Variants in FMNL2 observed in about 807,000 individuals in gnomAD.
FMNL2 encodes the protein formin-like protein 2.
Under a neutral mutation model 130.2 loss-of-function variants are expected in FMNL2, and 51 were observed. The observed-to-expected ratio is 0.39, with a 90% CI of 0.31 to 0.49. The LOEUF (loss-of-function observed/expected upper bound fraction) is 0.49. Among genes scored for constraint, FMNL2 ranks in the 20% least tolerant of loss-of-function variants. The pLI is 0.85. For synonymous variants in FMNL2, 465 were observed against 467.1 expected, an observed-to-expected ratio of 1.00 and a Z score of 0.06; for missense variants, 977 against 1,316.2, an observed-to-expected ratio of 0.74 and a Z score of 3.99.
chr2:152,365,837 G>A (rs1254720044), intron 1 of FMNL2, among the ~76,000 whole-genome samples: 1 of 152,132 alleles, frequency 6.6e-6, no homozygotes, highest in Non-Finnish European at 1.5e-5. Flanking sequence ...GATAAGATAG[G>A]TGTCTGGAAG....
chr2:152,415,049 C>G (rs1254969185), intron 1 of FMNL2, among the ~76,000 whole-genome samples: 1 of 152,122 alleles, frequency 6.6e-6, no homozygotes, highest in South Asian at 2.1e-4. Context: ...TATCTTTCCA[C>G]AGATTCAGCT....
intron 1 of FMNL2, among the ~76,000 whole-genome samples, chr2:152,514,959 CATG>C (rs941474018): frequency 4.6e-5 from 7 of 152,150 alleles, no homozygotes; most frequent in African/African-American, 1.7e-4. Flanking sequence ...TCATCACCCT[CATG>C]ATGCTTATCA....
At chr2:152,605,880 C>T (rs1470024562) in intron 9 of FMNL2, among the ~76,000 whole-genome samples, 1 of 152,200 alleles carries the variant, frequency 6.6e-6, no homozygotes, top group Non-Finnish European at 1.5e-5. Context: ...CCGGTGGTGC[C>T]TGTCTACCAT....
chr2:152,626,501 C>A, intron 16 of FMNL2, 24 bp from the exon 17 acceptor site: 2 of 1,555,964 alleles, frequency 1.3e-6, no homozygotes, highest in East Asian at 2.3e-5. Context: ...TCCAATTTTC[C>A]ATGGTCATTC....
At chr2:152,637,820 T>G (rs767605857) in intron 23 of FMNL2, 146 bp downstream of exon 23, 16 of 670,536 alleles carry the variant, frequency 2.4e-5, no homozygotes, top group Non-Finnish European at 3.1e-5. Flanking sequence ...TCCCTAGCTC[T>G]GTGGAGGCTG....
At chr2:152,642,956 C>T (rs558131169) in intron 25 of FMNL2, among the ~76,000 whole-genome samples, 1 of 152,120 alleles carries the variant, frequency 6.6e-6, no homozygotes, top group South Asian at 2.1e-4. Context: ...TTGCAGTGAG[C>T]TGAGATCATG....
intron 1 of FMNL2, among the ~76,000 whole-genome samples, chr2:152,504,010 CA>C (rs1474141017): frequency 6.6e-6 from 1 of 152,104 alleles, no homozygotes; most frequent in Non-Finnish European, 1.5e-5. Context: ...GTCAACATGA[CA>C]AAATTCCGTT....
At chr2:152,359,009 A>G (rs1040009777) in intron 1 of FMNL2, among the ~76,000 whole-genome samples, 2 of 152,200 alleles carry the variant, frequency 1.3e-5, no homozygotes, top group African/African-American at 2.4e-5. Flanking sequence ...TTGTACCTAC[A>G]TATTATGAAA....
Position 152,639,939 on chromosome 2 carries a change from G to T in FMNL2, c.2947-19G>T. Reference sequence around the variant, plus strand: ...CATTTCCATTAACATCATCTTTCTGGTTCTTTTGATTTACCCAGCAAGCAG... The same window carrying T: ...CATTTCCATTAACATCATCTTTCTGTTTCTTTTGATTTACCCAGCAAGCAG... On this transcript the variant is annotated intron_variant, in intron 23 of 25. Transcript: ENST00000288670. The T allele has an allele frequency of 6.5e-7, 1 of 1,535,120 alleles. No individual in the cohort carries two copies. The highest frequency in any genetic ancestry group is 8.8e-7 in the Non-Finnish European group (1 of 1,142,848).
intron 5 of FMNL2, among the ~76,000 whole-genome samples, chr2:152,559,643 T>C (rs1313339692): frequency 2.0e-5 from 3 of 152,118 alleles, no homozygotes. Context: ...CTTTTTCTGC[T>C]GTGTGAGAGT....
intron 1 of FMNL2, among the ~76,000 whole-genome samples, chr2:152,428,897 C>G (rs1480727607): frequency 6.6e-6 from 1 of 152,050 alleles, no homozygotes; most frequent in Non-Finnish European, 1.5e-5. Flanking sequence ...TCTAGAGATT[C>G]ATCTAACACT....
At chr2:152,467,701 AC>A (rs1410356352) in intron 1 of FMNL2, among the ~76,000 whole-genome samples, 1 of 152,206 alleles carries the variant, frequency 6.6e-6, no homozygotes, top group East Asian at 1.9e-4. Context: ...CTCGCTGTGG[AC>A]TTTATCAGTA....
chr2:152,418,757 T>A (rs1686750817), intron 1 of FMNL2, among the ~76,000 whole-genome samples: 1 of 152,230 alleles, frequency 6.6e-6, no homozygotes, highest in African/African-American at 2.4e-5. Flanking sequence ...TACATAATGC[T>A]ACTATGAACA....
At chr2:152,551,298 G>A (rs1694924389) in intron 4 of FMNL2, among the ~76,000 whole-genome samples, 1 of 152,202 alleles carries the variant, frequency 6.6e-6, no homozygotes, top group Non-Finnish European at 1.5e-5. Flanking sequence ...AGCAATTGGA[G>A]TGGTTTGTTG....
At chr2:152,647,735 C>A (rs532994987) in intron 25 of FMNL2, 61 bp from the exon 26 acceptor site, 1 of 1,541,340 alleles carries the variant, frequency 6.5e-7, no homozygotes, top group South Asian at 1.1e-5. Context: ...TGGCCTTTGT[C>A]CTGCTTAGAC....
intron 1 of FMNL2, among the ~76,000 whole-genome samples, chr2:152,416,025 T>C (rs1174844563): frequency 1.3e-5 from 2 of 152,148 alleles, no homozygotes; most frequent in East Asian, 3.9e-4. Flanking sequence ...AGTGTTGGCC[T>C]CACTGAGTTT....
intron 1 of FMNL2, among the ~76,000 whole-genome samples, chr2:152,445,015 T>C (rs558070566): frequency 6.6e-6 from 1 of 152,358 alleles, no homozygotes; most frequent in African/African-American, 2.4e-5. Context: ...GGTATCTTGC[T>C]GTTGGCACTG....
At chr2:152,457,036 T>C (rs1688997325) in intron 1 of FMNL2, among the ~76,000 whole-genome samples, 1 of 152,156 alleles carries the variant, frequency 6.6e-6, no homozygotes, top group African/African-American at 2.4e-5. Flanking sequence ...CCAATTCTGG[T>C]TATGATAATG....
At chr2:152,633,259 C>A (rs752033354) in intron 21 of FMNL2, among the ~76,000 whole-genome samples, 1 of 152,002 alleles carries the variant, frequency 6.6e-6, no homozygotes, top group Non-Finnish European at 1.5e-5. Context: ...CTATGCCCAG[C>A]TAATTTTTAA....
Sources: gnomAD v4.1 joint callset for allele counts (sites outside exome capture counted in the v4.1 genomes callset) on GRCh38, gnomAD v4.1.1 for gene constraint, MANE v1.5 for transcripts, NCBI Gene and HGNC (gene_info 2026-07-23, HGNC 2026-07-21) for gene names.